DNHD1: variants seen among roughly 807,000 people sequenced by gnomAD.
DNHD1 encodes dynein heavy chain domain-containing protein 1.
In DNHD1, 383 loss-of-function variants were observed where a neutral mutation model predicts 458.1. The observed-to-expected ratio is 0.84, with a 90% CI of 0.77 to 0.91. The LOEUF (loss-of-function observed/expected upper bound fraction) is 0.91. Ranked by LOEUF, DNHD1 falls within the 40% of genes least tolerant of loss-of-function variation. The pLI, the probability that DNHD1 is intolerant of heterozygous loss-of-function variation, is 0.00. For missense variants in DNHD1, 5,336 were observed against 5,866.1 expected (o/e 0.91, Z 2.95); for synonymous variants, 2,203 against 2,376.9 (o/e 0.93, Z 2.13).
Position 6,548,103 on chromosome 11 carries a change from A to G in DNHD1, c.6905+63A>G. 6.5e-7 allele frequency: 1 copy of G among 1,549,026 alleles called. No homozygotes were observed. Among genetic ancestry groups the G allele is most frequent in the Non-Finnish European group, 8.7e-7 (1 of 1,144,612 alleles). On this transcript the variant is annotated intron_variant, in intron 22 of 42. Transcript: ENST00000254579. The surrounding 1 kb of genome is among the most constrained non-coding windows in gnomAD (Gnocchi z 4.4). ...TGAGATGGACTGGCCCATGGAAGTA[A>G]AAACCCACATGACATCACTGTTAGG...
chr11:6,538,897 T>A, intron 16 of DNHD1, 87 bp downstream of exon 16: 3 of 1,283,566 alleles, frequency 2.3e-6, no homozygotes, highest in Non-Finnish European at 3.2e-6. Context: ...CTGCTCCTGC[T>A]GGAAACACCT....
Position 6,545,455 on chromosome 11 carries a change from T to C in DNHD1, c.4516T>C (p.Phe1506Leu). The stretch of plus-strand genomic sequence containing the variant: ...GCACTGGATCGACTTAGTCCAGGCC[T>C]TCCCATGGCAGTGTGTGCTGGTGGC... ...VQHWIDLVQAFPWQCVLVAEE... is the reference protein window; with the variant it reads ...VQHWIDLVQALPWQCVLVAEE... The change falls in exon 21 of 43, where the codon TTC becomes CTC. Residue 1506 changes from phenylalanine to leucine, a missense_variant. Around this residue, in one of 4 missense-constraint regions of DNHD1, gnomAD observed 3,932 missense variants for 4,365.6 expected, o/e 0.90. Transcript: ENST00000254579. The surrounding 1 kb of genome is among the most constrained non-coding windows in gnomAD (Gnocchi z 4.9). 6.4e-7 allele frequency: 1 copy of C among 1,551,874 alleles called. No homozygotes were observed. Among genetic ancestry groups the C allele is most frequent in the Non-Finnish European group, 8.7e-7 (1 of 1,147,030 alleles).
Position 6,556,868 on chromosome 11 carries a change from C to T in DNHD1, c.7573C>T (p.Leu2525=). The change falls in exon 25 of 43, where the codon CTG becomes TTG. Residue 2525 remains leucine, a synonymous_variant. Coordinates refer to ENST00000254579, the MANE Select transcript of DNHD1 (RefSeq NM_144666.3). ...ACGCCTCTTTCGACTCTTCACAGTC[C>T]TGGCCCTGGAAAGCATGACCCAGGC... The part of the protein sequence containing the change: ...CPRLFRLFTV[L]ALESMTQATL... 1 of 1,551,704 alleles carries T rather than the reference C, an allele frequency of 6.4e-7. No homozygotes were observed. The highest frequency in any genetic ancestry group is 1.7e-4 in the Middle Eastern group (1 of 5,992).
chr11:6,525,828 T>G (rs1194207129), intron 10 of DNHD1, among the ~76,000 whole-genome samples: 2 of 152,226 alleles, frequency 1.3e-5, no homozygotes, highest in Non-Finnish European at 2.9e-5. Flanking sequence ...TAATTTTATT[T>G]GCTTTACAAA....
At chr11:6,502,662 C>T (rs1352941734) in intron 3 of DNHD1, 91 bp from the exon 4 acceptor site, 6 of 1,257,604 alleles carry the variant, frequency 4.8e-6, no homozygotes, top group Non-Finnish European at 5.4e-6. Flanking sequence ...TGATCTAGTC[C>T]TCCTTTCACT....
Position 6,569,967 on chromosome 11 carries a change from T to C in DNHD1, c.12864-42T>C, listed in dbSNP as rs535003513. 45 of 1,561,726 alleles carry C rather than the reference T, an allele frequency of 2.9e-5. 1 individual carries two copies. In the South Asian group the frequency reaches 4.7e-4, roughly 16 times the overall value. ...ACAAGACTTGACAGTCCTCAGCATATAGATGATATGTGAAACCCTGCTTTC... is the reference window on the plus strand; with the variant it reads ...ACAAGACTTGACAGTCCTCAGCATACAGATGATATGTGAAACCCTGCTTTC... On this transcript the variant is annotated intron_variant, in intron 39 of 42. Coordinates refer to ENST00000254579, the MANE Select transcript of DNHD1 (RefSeq NM_144666.3).
Position 6,557,115 on chromosome 11 carries a change from G to C in DNHD1, c.7820G>C (p.Arg2607Thr), listed in dbSNP as rs1853480041. 6.4e-7 allele frequency: 1 copy of C among 1,551,624 alleles called. No homozygotes were observed. Residue 2607 changes from arginine to threonine, a missense_variant, in exon 25 of 43, where the codon AGA becomes ACA. Coordinates refer to ENST00000254579, the MANE Select transcript of DNHD1 (RefSeq NM_144666.3). ...LLSSLQLLPN[R>T]TGSRGFVDYP... ...AGCAGCCTGCAGCTGCTGCCCAACA[G>C]AACAGGCTCCCGAGGTTTTGTGGAC...
intron 28 of DNHD1, among the ~76,000 whole-genome samples, chr11:6,561,512 A>G (rs1853587171): frequency 6.6e-6 from 1 of 152,224 alleles, no homozygotes; most frequent in African/African-American, 2.4e-5. Context: ...CATGGTGCTT[A>G]TAGTTTAGCA....
At position 6,563,760 on chromosome 11, in the gene DNHD1, A is replaced by G. The variant is rs560830450; in HGVS notation, c.9920A>G (p.Lys3307Arg). The G allele has an allele frequency of 1.0e-5, 16 of 1,551,244 alleles. No individual in the cohort carries two copies. Among genetic ancestry groups the G allele is most frequent in the Non-Finnish European group, 1.4e-5 (16 of 1,146,874 alleles). Residue 3307 changes from lysine (K) to arginine (R), a missense_variant, in exon 31 of 43, where the codon AAG (lysine) becomes AGG (arginine). Physicochemically the swap from Lys to Arg is conservative, Grantham distance 26. Transcript: ENST00000254579. Reference sequence around the variant, plus strand: ...CTGATAAAGTTACATCTAATTCTGAAGGCTCCAGGTATGGACGATGCAGCC... The same window carrying G: ...CTGATAAAGTTACATCTAATTCTGAGGGCTCCAGGTATGGACGATGCAGCC... The part of the protein sequence containing the change: ...SELIKLHLIL[K>R]APGMDDAALR...
In DNHD1 at chr11:6,570,821, A is replaced by G. The variant is rs376214640; in HGVS notation, c.13309A>G (p.Arg4437Gly). ...ESRRGAQLAE[R>G]RLRQRLVQVN... is the part of the protein sequence containing the mutation. ...TCGAAGAGGCGCCCAGCTTGCGGAA[A>G]GGCGACTGCGGCAACGCCTAGTGCA... Residue 4437 changes from arginine (R) to glycine (G), a missense_variant, in exon 42 of 43, where the codon AGG becomes GGG. Transcript: ENST00000254579. 2 of 1,613,884 alleles carry G rather than the reference A, an allele frequency of 1.2e-6. No individual in the cohort carries two copies. The highest frequency in any genetic ancestry group is 2.2e-5 in the East Asian group (1 of 44,888).
chr11:6,517,741 C>CAAAG (rs1852514064), intron 7 of DNHD1, among the ~76,000 whole-genome samples: 1 of 142,932 alleles, frequency 7.0e-6, no homozygotes, highest in Non-Finnish European at 1.5e-5. Context: ...ATCACCTCCC[C>CAAAG]AAAGACTCCA....
At chr11:6,568,934 G>C in intron 39 of DNHD1, 68 bp downstream of exon 39, 1 of 1,479,506 alleles carries the variant, frequency 6.8e-7, no homozygotes, top group Non-Finnish European at 9.1e-7. Context: ...TCCATATGCT[G>C]GGATGAGTAA....
intron 18 of DNHD1, among the ~76,000 whole-genome samples, chr11:6,541,641 T>C (rs1258228133): frequency 6.6e-6 from 1 of 152,170 alleles, no homozygotes; most frequent in Non-Finnish European, 1.5e-5. Flanking sequence ...ATGCAAAGTC[T>C]TGTGGGCCAC....
At chr11:6,537,912 C>G (rs551146462) in intron 14 of DNHD1, among the ~76,000 whole-genome samples, 3 of 152,062 alleles carry the variant, frequency 2.0e-5, no homozygotes, top group Non-Finnish European at 4.4e-5. Context: ...GCCCAGGTAA[C>G]AGTGCAAGAC....
intron 12 of DNHD1, among the ~76,000 whole-genome samples, chr11:6,531,309 T>G (rs896866475): frequency 1.3e-5 from 2 of 152,174 alleles, no homozygotes; most frequent in African/African-American, 4.8e-5. Context: ...CTCCTCCCTC[T>G]CCTTGACCTT....
In DNHD1 at chr11:6,538,804, C is replaced by T. The variant is rs1589881430; in HGVS notation, c.3319C>T (p.Leu1107=). 8 of 1,507,786 alleles carry T rather than the reference C, an allele frequency of 5.3e-6. No individual in the cohort carries two copies. The South Asian group carries it at 9.0e-5, about 17-fold the overall frequency. The allele number at this position is 1,507,786 out of a possible 1,614,324, so 93.4% of individuals were successfully genotyped here. A position where few individuals can be genotyped will look rare whatever the true frequency, so the allele number is the denominator to read the frequency against. ...HPQSLNCQCL[L]RALGLGSLQT... is the part of the protein sequence containing the mutation. The stretch of plus-strand genomic sequence containing the variant: ...ACAGAGCCTCAACTGCCAGTGTCTC[C>T]TGCGTGGTATGTTTGGTTAATGTCA... The change falls in exon 16 of 43, where the codon CTG becomes TTG. Residue 1107 remains leucine (L), a synonymous_variant. Transcript: ENST00000254579.
rs1239252034 is a variant in DNHD1 at position 6,505,209 on chromosome 11, T to A, written c.920+2283T>A. 6.6e-6 allele frequency among the ~76,000 whole-genome samples: 1 copy of A among 152,016 alleles called. No individual in the cohort carries two copies. The highest frequency in any genetic ancestry group is 1.5e-5 in the Non-Finnish European group (1 of 67,998). On this transcript the variant is annotated intron_variant, in intron 4 of 42. Coordinates refer to ENST00000254579, the MANE Select transcript of DNHD1 (RefSeq NM_144666.3). The surrounding 1 kb of genome is among the most constrained non-coding windows in gnomAD (Gnocchi z 4.4). ...CTTCTAATAACCTGAACCTCTTCCATTTGTTCCTCTAGTTCTGGAGCTGGT... is the reference window on the plus strand; with the variant it reads ...CTTCTAATAACCTGAACCTCTTCCAATTGTTCCTCTAGTTCTGGAGCTGGT...
At position 6,570,407 on chromosome 11, in the gene DNHD1, C is replaced by T. The variant is rs377648866; in HGVS notation, c.13105+11C>T. The T allele has an allele frequency of 6.2e-7, 1 of 1,601,734 alleles. No homozygotes were observed. The highest frequency in any genetic ancestry group is 8.5e-7 in the Non-Finnish European group (1 of 1,174,152). On this transcript the variant is annotated intron_variant, in intron 41 of 42. Transcript: ENST00000254579. The stretch of plus-strand genomic sequence containing the variant: ...TCATGCCCCTCCCAGGTAAGCCTCA[C>T]TCAGGTATCTGTTTTGGGGTAGGGA...
At chr11:6,561,428 CAAAAAAGAA>C (rs1019200611) in intron 28 of DNHD1, among the ~76,000 whole-genome samples, 13 of 149,616 alleles carry the variant, frequency 8.7e-5, no homozygotes, top group African/African-American at 2.7e-4. Flanking sequence ...ACCTTGTCTC[CAAAAAAGAA>C]AAAAAAGAAA....
Sources: gnomAD v4.1 joint callset for allele counts (sites outside exome capture counted in the v4.1 genomes callset) on GRCh38, gnomAD v4.1.1 for gene constraint, gnomAD v4.1.1 regional missense constraint, Gnocchi (gnomAD v3.1) non-coding constraint, MANE v1.5 for transcripts, NCBI Gene and HGNC (gene_info 2026-07-23, HGNC 2026-07-21) for gene names.